The following NAP1L1 variants were observed in gnomAD, a reference collection of about 807,000 sequenced individuals.
The protein encoded by NAP1L1 is nucleosome assembly protein 1-like 1.
A neutral mutation model predicts 58.9 loss-of-function variants in NAP1L1; 9 were observed. The ratio of observed to expected loss-of-function variants is 0.15; its 90% confidence interval spans 0.09 to 0.27. The LOEUF (loss-of-function observed/expected upper bound fraction) is 0.27, where lower values mean the gene tolerates loss of function less well. Among genes scored for constraint, NAP1L1 ranks in the 10% least tolerant of loss-of-function variants. NAP1L1 has a pLI of 1.00. For missense variants in NAP1L1, 302 were observed against 458.8 expected (o/e 0.66, Z 3.12); for synonymous variants, 130 against 138.3 (o/e 0.94, Z 0.42).
At chr12:76,075,413 C>T (rs17116201) in intron 1 of NAP1L1, among the ~76,000 whole-genome samples, 2,824 of 152,234 alleles carry the variant, frequency 0.019, 107 homozygotes, top group African/African-American at 0.065. Context: ...TTCATAGCAA[C>T]GTATTATGCC....
At chr12:76,074,492 G>T (rs939891450) in intron 1 of NAP1L1, 4 of 293,740 alleles carry the variant, frequency 1.4e-5, no homozygotes, top group African/African-American at 6.9e-5. Context: ...AGAATCTGTT[G>T]TATAAAGACT....
At position 76,067,390 on chromosome 12, in the gene NAP1L1, G is replaced by A; in HGVS notation, c.187C>T (p.Pro63Ser). 1 of 1,608,866 alleles carries A rather than the reference G, an allele frequency of 6.2e-7. No homozygotes were observed. Reference protein sequence around the residue: ...QERLDGLVETPTGYIESLPRV... With the variant: ...QERLDGLVETSTGYIESLPRV... ...CTGTACCTTTCAATGTATCCTGTTG[G>A]TGTTTCTACCAGACCATCAAGTCTT... The change falls in exon 4 of 15, where the codon CCA (proline) becomes TCA (serine). Residue 63 changes from proline (P) to serine (S), a missense_variant. Pro to Ser is a moderately conservative substitution (Grantham distance 74, BLOSUM62 -1). Coordinates refer to ENST00000618691, the MANE Select transcript of NAP1L1 (RefSeq NM_004537.7).
Position 76,047,701 on chromosome 12 carries a change from G to A in NAP1L1, c.*728C>T, listed in dbSNP as rs1489077630. The A allele has an allele frequency of 1.3e-5, 2 of 151,828 alleles. No individual in the cohort carries two copies. Among genetic ancestry groups the A allele is most frequent in the Non-Finnish European group, 2.9e-5 (2 of 67,880 alleles). 9.4% of individuals were successfully genotyped at this position (151,828 alleles called of 1,614,324 possible). ...AATGATGTAAATTCATCCTTTCCAGGGAAGCAGAAGGTAGACCCTACCACA... is the reference window on the plus strand; with the variant it reads ...AATGATGTAAATTCATCCTTTCCAGAGAAGCAGAAGGTAGACCCTACCACA... On this transcript the variant is annotated 3_prime_UTR_variant, in exon 15 of 15. Coordinates refer to ENST00000618691, the MANE Select transcript of NAP1L1 (RefSeq NM_004537.7).
At chr12:76,054,939 G>C (rs1949011748) in intron 8 of NAP1L1, 80 bp downstream of exon 8, 1 of 1,020,880 alleles carries the variant, frequency 9.8e-7, no homozygotes. Flanking sequence ...CCTTACCCTT[G>C]AATGTTATCT....
At chr12:76,084,149 A>AG (rs1297478441) in intron 1 of NAP1L1, 2 of 151,938 alleles carry the variant, frequency 1.3e-5, no homozygotes, top group South Asian at 2.1e-4. Context: ...AGGGAAAAGC[A>AG]GGGGGGTGTC....
chr12:76,052,132 G>A (rs539007292), intron 11 of NAP1L1, among the ~76,000 whole-genome samples: 3 of 152,186 alleles, frequency 2.0e-5, no homozygotes, highest in African/African-American at 7.2e-5. Context: ...GAATGTTTGA[G>A]TCAACAACAT....
intron 6 of NAP1L1, chr12:76,057,375 A>G: frequency 2.4e-6 from 1 of 420,296 alleles, no homozygotes; most frequent in South Asian, 2.2e-5. Flanking sequence ...GTTCATCTGC[A>G]TTATCATTCT....
At chr12:76,062,318 C>T (rs560757035) in intron 4 of NAP1L1, among the ~76,000 whole-genome samples, 1 of 152,184 alleles carries the variant, frequency 6.6e-6, no homozygotes, top group Non-Finnish European at 1.5e-5. Context: ...GCAACTAGTG[C>T]TCTACTACTT....
intron 11 of NAP1L1, among the ~76,000 whole-genome samples, chr12:76,051,752 T>G (rs1330947574): frequency 3.9e-5 from 6 of 152,180 alleles, no homozygotes; most frequent in African/African-American, 1.4e-4. Context: ...GCCTGGCTCA[T>G]GCCTGTAATC....
chr12:76,084,183 C>G, intron 1 of NAP1L1: 1 of 152,024 alleles, frequency 6.6e-6, no homozygotes. Flanking sequence ...GCTCTGCACT[C>G]GGCCCGGCCC....
chr12:76,066,615 AGACT>A (rs1949687501), intron 4 of NAP1L1, among the ~76,000 whole-genome samples: 1 of 152,164 alleles, frequency 6.6e-6, no homozygotes, highest in Non-Finnish European at 1.5e-5. Context: ...CACACCTCTT[AGACT>A]GATTTAAAAA....
chr12:76,050,222 T>C (rs763130036), intron 12 of NAP1L1, among the ~76,000 whole-genome samples: 3 of 152,140 alleles, frequency 2.0e-5, no homozygotes, highest in Non-Finnish European at 2.9e-5. Flanking sequence ...TCTTGTGCAC[T>C]AAAGAAAGTC....
intron 2 of NAP1L1, among the ~76,000 whole-genome samples, chr12:76,070,587 C>T (rs1436499846): frequency 2.0e-5 from 3 of 152,164 alleles, no homozygotes; most frequent in Admixed American, 6.5e-5. Flanking sequence ...GTGGCCAAAT[C>T]CAGCCCACCC....
chr12:76,083,389 C>T (rs1220458184), intron 1 of NAP1L1, among the ~76,000 whole-genome samples: 2 of 150,268 alleles, frequency 1.3e-5, no homozygotes. Context: ...AGGGGTGGTC[C>T]GATCTTTTGG....
rs202002589 is a variant in NAP1L1 at position 76,079,684 on chromosome 12, A to ATTTTTTT, written c.-21+4876_-21+4882dup. On this transcript the variant is annotated intron_variant, in intron 1 of 14. Coordinates refer to ENST00000618691, the MANE Select transcript of NAP1L1 (RefSeq NM_004537.7). ...TGACCCTAAAAACATGCTTGAAGGC[A>ATTTTTTT]TTTTTTTTTTTTTTTTGGAGACAAG... is the stretch of plus-strand genomic sequence containing the variant. Among the ~76,000 whole-genome samples, 39 of 140,688 alleles carry ATTTTTTT rather than the reference A, an allele frequency of 2.8e-4. 1 individual carries two copies. Among genetic ancestry groups the ATTTTTTT allele is most frequent in the African/African-American group, 1.0e-3 (39 of 38,028 alleles). 92.3% of individuals were successfully genotyped at this position (140,688 alleles called of 152,430 possible).
In NAP1L1 at chr12:76,039,228, G is replaced by A. The variant is rs1592593319; in HGVS notation, c.*9201C>T. 1 of 152,164 alleles carries A rather than the reference G, an allele frequency of 6.6e-6. No homozygotes were observed. Among genetic ancestry groups the A allele is most frequent in the African/African-American group, 2.4e-5 (1 of 41,430 alleles). The allele number at this position is 152,164 out of a possible 1,614,324, so 9.4% of individuals were successfully genotyped here. A position where few individuals can be genotyped will look rare whatever the true frequency, so the allele number is the denominator to read the frequency against. ...TTTACTATCCTACTTTTAGCACTGT[G>A]AGCATAAACCATAGGTTCTTCTTTT... On this transcript the variant is annotated 3_prime_UTR_variant, in exon 15 of 15. Transcript: ENST00000618691.
At chr12:76,080,158 A>G (rs4831916) in intron 1 of NAP1L1, among the ~76,000 whole-genome samples, 96,669 of 152,118 alleles carry the variant, frequency 0.64, 31,130 homozygotes, top group East Asian at 0.96. Flanking sequence ...CATATACAAC[A>G]GTGATCCCAC....
intron 4 of NAP1L1, among the ~76,000 whole-genome samples, chr12:76,067,021 T>G (rs376158805): frequency 6.6e-6 from 1 of 152,236 alleles, no homozygotes; most frequent in East Asian, 1.9e-4. Flanking sequence ...TTTAAATGTG[T>G]AAGCTGAGTA....
intron 1 of NAP1L1, among the ~76,000 whole-genome samples, chr12:76,078,561 T>C (rs1034938095): frequency 2.0e-5 from 3 of 152,186 alleles, no homozygotes; most frequent in Admixed American, 6.5e-5. Context: ...GTAAGCCTGG[T>C]TGTCTTTGAT....
Sources: gnomAD v4.1 joint callset for allele counts (sites outside exome capture counted in the v4.1 genomes callset) on GRCh38, gnomAD v4.1.1 for gene constraint, MANE v1.5 for transcripts, NCBI Gene and HGNC (gene_info 2026-07-23, HGNC 2026-07-21) for gene names.